The following STX8 variants were observed in gnomAD, a reference collection of about 807,000 sequenced individuals.
STX8 encodes the protein syntaxin 8.
Under a neutral mutation model 37.5 loss-of-function variants are expected in STX8, and 23 were observed. The observed-to-expected ratio is 0.61, with a 90% CI of 0.44 to 0.87. STX8 has a LOEUF of 0.87. STX8 is among the 40% of genes least tolerant of loss of function. The pLI is 0.00. For synonymous variants in STX8, 115 were observed against 99.1 expected (o/e 1.16, Z -0.95); for missense variants, 313 against 284.7 (o/e 1.10, Z -0.71).
At chr17:9,532,178 C>A (rs949368392) in intron 4 of STX8, among the ~76,000 whole-genome samples, 9 of 151,458 alleles carry the variant, frequency 5.9e-5, no homozygotes, top group Admixed American at 5.9e-4. Context: ...AAAAAAAAAT[C>A]CGGACTAAGT....
intron 3 of STX8, among the ~76,000 whole-genome samples, chr17:9,551,954 GA>G (rs1008337889): frequency 2.3e-4 from 32 of 140,372 alleles, no homozygotes; most frequent in Middle Eastern, 3.8e-3. Context: ...GGATGTTCAA[GA>G]AAAAAAAAAA....
intron 6 of STX8, among the ~76,000 whole-genome samples, chr17:9,397,110 G>A (rs1020640449): frequency 1.1e-4 from 17 of 152,092 alleles, no homozygotes; most frequent in African/African-American, 4.1e-4. Flanking sequence ...AACAATTAAG[G>A]ACATGGGCTG....
rs781127780 is a variant in STX8, at chr17:9,575,789, C to G, written c.17+3G>C. 1 of 1,544,484 alleles carries G rather than the reference C, an allele frequency of 6.5e-7. No individual in the cohort carries two copies. The highest frequency in any genetic ancestry group is 8.7e-7 in the Non-Finnish European group (1 of 1,146,552). On this transcript the variant is annotated splice_donor_region_variant and intron_variant, in intron 1 of 7. Coordinates refer to ENST00000306357, the MANE Select transcript of STX8 (RefSeq NM_004853.3). ...CGCACCGCCGCCCTCACCCGGGACT[C>G]ACCAGGGGTCCGGTGCCATCCTGCA...
chr17:9,568,132 G>T (rs1243345590), intron 2 of STX8, among the ~76,000 whole-genome samples: 1 of 152,196 alleles, frequency 6.6e-6, no homozygotes, highest in Non-Finnish European at 1.5e-5. Flanking sequence ...CCCTGAACTA[G>T]ACTATAAAAT....
chr17:9,253,234 G>GTGTGTGTGTC (rs1305776180), intron 7 of STX8, among the ~76,000 whole-genome samples: 4 of 151,946 alleles, frequency 2.6e-5, no homozygotes, highest in African/African-American at 9.7e-5. Flanking sequence ...GTGTGTGTGT[G>GTGTGTGTGTC]TGTGTGTGTG....
intron 5 of STX8, among the ~76,000 whole-genome samples, chr17:9,501,106 T>G (rs772060290): frequency 6.6e-6 from 1 of 152,194 alleles, no homozygotes; most frequent in Non-Finnish European, 1.5e-5. Flanking sequence ...CTGAGAGAAT[T>G]TGAGACTCAA....
intron 6 of STX8, among the ~76,000 whole-genome samples, chr17:9,473,636 G>A (rs1597695043): frequency 6.6e-6 from 1 of 152,082 alleles, no homozygotes; most frequent in Non-Finnish European, 1.5e-5. Context: ...GTCTGCACAT[G>A]TTCAGTGCAG....
chr17:9,262,627 G>GCT (rs1371676090), intron 7 of STX8, among the ~76,000 whole-genome samples: 2 of 151,854 alleles, frequency 1.3e-5, no homozygotes, highest in Non-Finnish European at 2.9e-5. Flanking sequence ...CTGTCGCCAG[G>GCT]CTAGAGTGCA....
intron 6 of STX8, 23 bp downstream of exon 6, chr17:9,491,806 G>A (rs1328470151): frequency 1.3e-6 from 2 of 1,592,398 alleles, no homozygotes; most frequent in Admixed American, 1.7e-5. Flanking sequence ...GGCAAATCTG[G>A]TCAATCCCAG....
At chr17:9,281,505 A>T (rs4141200) in intron 7 of STX8, among the ~76,000 whole-genome samples, 28,440 of 150,934 alleles carry the variant, frequency 0.19, 2,989 homozygotes, top group Middle Eastern at 0.29. Flanking sequence ...TTCCACTGGG[A>T]TTACAGAGAA....
At chr17:9,284,661 TTTTTG>T (rs1908013318) in intron 7 of STX8, among the ~76,000 whole-genome samples, 2 of 152,232 alleles carry the variant, frequency 1.3e-5, no homozygotes, top group Admixed American at 1.3e-4. Context: ...TGAAACATAC[TTTTTG>T]AAATAATCAG....
In STX8 at chr17:9,507,075, C is replaced by T. The variant is rs1443461333; in HGVS notation, c.324-1913G>A. ...CAGGGCAAACCCACTCTTGAGCCAA[C>T]CAAACTGCTGCATACCCTCCTGCAA... is the stretch of plus-strand genomic sequence containing the variant. On this transcript the variant is annotated intron_variant, in intron 4 of 7. Transcript: ENST00000306357. The surrounding 1 kb of genome is among the most constrained non-coding windows in gnomAD (Gnocchi z 4.0). 6.6e-6 allele frequency among the ~76,000 whole-genome samples: 1 copy of T among 151,978 alleles called. No individual in the cohort carries two copies. The highest frequency in any genetic ancestry group is 6.6e-5 in the Admixed American group (1 of 15,258).
rs2142447901 is a variant in STX8 at position 9,477,154 on chromosome 17, A to G, written c.541+14675T>C. ...ATTACAGGCACAAGGCACCGTGCCC[A>G]GCTTCAGGTTCCTCTGCTTAAAAGG... On this transcript the variant is annotated intron_variant, in intron 6 of 7. Transcript: ENST00000306357. Among the ~76,000 whole-genome samples the G allele has an allele frequency of 2.0e-5, 3 of 152,270 alleles. No individual in the cohort carries two copies. The Middle Eastern group carries it at 0.01, about 518-fold the overall frequency.
chr17:9,324,765 CAAAAA>C (rs534392223), intron 7 of STX8, among the ~76,000 whole-genome samples: 2 of 45,944 alleles, frequency 4.4e-5, no homozygotes, highest in Admixed American at 2.4e-4. Context: ...AACTCCATCT[CAAAAA>C]AAAAAAAAAA....
chr17:9,311,792 A>C (rs1909197709), intron 7 of STX8, among the ~76,000 whole-genome samples: 1 of 152,190 alleles, frequency 6.6e-6, no homozygotes, highest in Non-Finnish European at 1.5e-5. Flanking sequence ...GAAGTACTTG[A>C]AACAGTGCCT....
At chr17:9,424,792 C>G (rs1248210392) in intron 6 of STX8, among the ~76,000 whole-genome samples, 1 of 152,210 alleles carries the variant, frequency 6.6e-6, no homozygotes, top group Non-Finnish European at 1.5e-5. Flanking sequence ...TATCATCTTT[C>G]TTGGTGCTGC....
intron 7 of STX8, among the ~76,000 whole-genome samples, chr17:9,336,372 C>T (rs1326838117): frequency 6.6e-6 from 1 of 151,682 alleles, no homozygotes; most frequent in Admixed American, 6.6e-5. Flanking sequence ...CCTTTCTTTC[C>T]TTTCCTTCCT....
intron 2 of STX8, among the ~76,000 whole-genome samples, chr17:9,565,395 C>G (rs929744125): frequency 6.6e-6 from 1 of 152,058 alleles, no homozygotes; most frequent in Non-Finnish European, 1.5e-5. Flanking sequence ...GCGGGCAGAT[C>G]ACTTGAGGTC....
intron 4 of STX8, among the ~76,000 whole-genome samples, chr17:9,543,833 C>CAT (rs1906384113): frequency 1.3e-5 from 2 of 152,192 alleles, no homozygotes; most frequent in African/African-American, 4.8e-5. Context: ...CTCTTAGGTT[C>CAT]ATTTCTTCAC....
Sources: gnomAD v4.1 joint callset for allele counts (sites outside exome capture counted in the v4.1 genomes callset) on GRCh38, gnomAD v4.1.1 for gene constraint, Gnocchi (gnomAD v3.1) non-coding constraint, MANE v1.5 for transcripts, NCBI Gene and HGNC (gene_info 2026-07-23, HGNC 2026-07-21) for gene names.